The following ECE1 variants were observed in gnomAD, a reference collection of about 807,000 sequenced individuals.
ECE1 encodes the protein endothelin-converting enzyme 1.
A neutral mutation model predicts 98.6 loss-of-function variants in ECE1; 35 were observed. The ratio of observed to expected loss-of-function variants is 0.35; its 90% CI spans 0.27 to 0.47. ECE1 has a LOEUF of 0.47. Among genes scored for constraint, ECE1 ranks in the 20% least tolerant of loss-of-function variants. ECE1 has a pLI of 1.00. For synonymous variants in ECE1, 394 were observed against 407.1 expected, an observed-to-expected ratio of 0.97 and a Z score of 0.39; for missense variants, 814 against 1,025.3, an observed-to-expected ratio of 0.79 and a Z score of 2.81.
chr1:21,321,840 T>C (rs574330225), intron 1 of ECE1, among the ~76,000 whole-genome samples: 1 of 152,336 alleles, frequency 6.6e-6, no homozygotes, highest in Non-Finnish European at 1.5e-5. Flanking sequence ...GATCTCGAAC[T>C]CCTGACCTCA....
At chr1:21,298,479 T>C in intron 1 of ECE1, 1 of 317,408 alleles carries the variant, frequency 3.2e-6, no homozygotes, top group South Asian at 2.6e-5. Flanking sequence ...TCCACGGACG[T>C]GAATGGAGAT....
intron 3 of ECE1, among the ~76,000 whole-genome samples, chr1:21,273,904 C>T (rs1354456997): frequency 6.6e-6 from 1 of 152,238 alleles, no homozygotes; most frequent in African/African-American, 2.4e-5. Context: ...AGGTTGGCGG[C>T]TGAGCTCTCC....
chr1:21,343,238 A>T (rs940081490), intron 1 of ECE1, among the ~76,000 whole-genome samples: 1 of 152,238 alleles, frequency 6.6e-6, no homozygotes, highest in African/African-American at 2.4e-5. Context: ...AAGCTCCCAT[A>T]ACACTGTTTA....
intron 1 of ECE1, among the ~76,000 whole-genome samples, chr1:21,308,182 G>C (rs1638639296): frequency 6.6e-6 from 1 of 152,110 alleles, no homozygotes; most frequent in Non-Finnish European, 1.5e-5. Context: ...TCAGAAAATG[G>C]CCAACCTTTT....
At chr1:21,318,622 A>C (rs1298201456) in intron 1 of ECE1, among the ~76,000 whole-genome samples, 3 of 152,066 alleles carry the variant, frequency 2.0e-5, no homozygotes, top group East Asian at 3.9e-4. Context: ...ATTTAGAACC[A>C]GTGAGCCTTC....
At chr1:21,335,430 A>C (rs983917103) in intron 1 of ECE1, among the ~76,000 whole-genome samples, 1 of 152,066 alleles carries the variant, frequency 6.6e-6, no homozygotes, top group African/African-American at 2.4e-5. Context: ...TTCTGTCCCC[A>C]CAATGAGGCA....
intron 2 of ECE1, chr1:21,279,569 G>A: frequency 1.4e-6 from 2 of 1,442,246 alleles, no homozygotes; most frequent in Non-Finnish European, 1.8e-6. Flanking sequence ...GGCCCCGACA[G>A]GCTTGTTTTT....
In ECE1 at chr1:21,289,576, G is replaced by C. The variant is rs28367916; in HGVS notation, c.138+494C>G. On this transcript the variant is annotated intron_variant, in intron 2 of 18. Transcript: ENST00000374893. ...CCCCAGGAAACTCAGGTATTGGGAG[G>C]GCAAGAGGAAGAGGGTGGTACTGCC... 3.3e-5 allele frequency among the ~76,000 whole-genome samples: 5 copies of C among 152,256 alleles called. No individual in the cohort carries two copies. The East Asian group carries it at 9.7e-4, about 29-fold the overall frequency.
Position 21,238,119 on chromosome 1 carries a change from G to C in ECE1, c.1389+15C>G, listed in dbSNP as rs532070889. 4 of 1,610,978 alleles carry C rather than the reference G, an allele frequency of 2.5e-6. No homozygotes were observed. The highest frequency in any genetic ancestry group is 3.4e-6 in the Non-Finnish European group (4 of 1,177,290). On this transcript the variant is annotated intron_variant, in intron 11 of 18. Transcript: ENST00000374893. ...GTGTGACCTCACAGCCTGTGTCCAC[G>C]GGGAAGGCACTTACTATGCTCTTGC... is the stretch of plus-strand genomic sequence containing the variant.
chr1:21,345,286 A>C lies in ECE1; in HGVS notation c.3+90T>G, dbSNP rs988060460. On this transcript the variant is annotated intron_variant, in intron 1 of 18. Coordinates refer to the ECE1 transcript ENST00000415912. The surrounding 1 kb of genome is among the most constrained non-coding windows in gnomAD (Gnocchi z 5.1). ...GCCGGCGCCCAGCCCCCCGCGAGCC[A>C]GGGCGGCCCCGGGTGCCACCCGCGG... 6 of 1,265,538 alleles carry C rather than the reference A, an allele frequency of 4.7e-6. No individual in the cohort carries two copies. Among genetic ancestry groups the C allele is most frequent in the Non-Finnish European group, 6.0e-6 (6 of 1,001,996 alleles). 78.4% of individuals were successfully genotyped at this position (1,265,538 alleles called of 1,614,324 possible).
intron 4 of ECE1, among the ~76,000 whole-genome samples, chr1:21,268,601 CA>C (rs1311545560): frequency 6.6e-6 from 1 of 152,238 alleles, no homozygotes; most frequent in Non-Finnish European, 1.5e-5. Flanking sequence ...TCGGCTGACA[CA>C]ATCCACACTG....
chr1:21,311,693 T>TGC (rs1638728220), intron 1 of ECE1, among the ~76,000 whole-genome samples: 2 of 151,754 alleles, frequency 1.3e-5, no homozygotes, highest in African/African-American at 4.8e-5. Context: ...TGCACATCTG[T>TGC]AGTCCCAGCT....
At chr1:21,282,406 G>A (rs905843819) in intron 2 of ECE1, among the ~76,000 whole-genome samples, 2 of 150,096 alleles carry the variant, frequency 1.3e-5, no homozygotes, top group Non-Finnish European at 3.0e-5. Context: ...TGGCCAACAT[G>A]GTGAAACCCT....
chr1:21,221,682 TG>T, intron 18 of ECE1, 64 bp downstream of exon 18: 1 of 1,554,682 alleles, frequency 6.4e-7, no homozygotes, highest in South Asian at 1.1e-5. Flanking sequence ...TTCGGCTCTC[TG>T]GGCTCTTGAA....
chr1:21,267,035 G>A (rs943304812), intron 4 of ECE1: 2 of 152,196 alleles, frequency 1.3e-5, no homozygotes, highest in African/African-American at 4.8e-5. Context: ...TAGGTCATGA[G>A]GGCTCTGCTC....
At chr1:21,296,309 G>C (rs1330426011) in intron 1 of ECE1, among the ~76,000 whole-genome samples, 1 of 151,890 alleles carries the variant, frequency 6.6e-6, no homozygotes, top group Non-Finnish European at 1.5e-5. Flanking sequence ...AGCAGTTTGC[G>C]ACCAACCTGG....
intron 1 of ECE1, among the ~76,000 whole-genome samples, chr1:21,337,204 C>A (rs868335133): frequency 3.9e-5 from 6 of 152,178 alleles, no homozygotes; most frequent in Non-Finnish European, 8.8e-5. Flanking sequence ...ATGTCAGCCA[C>A]GGACATTTAC....
chr1:21,290,050 A>G lies in ECE1; in HGVS notation c.138+20T>C, dbSNP rs1569672372. The G allele has an allele frequency of 7.7e-7, 1 of 1,304,764 alleles. No individual in the cohort carries two copies. The highest frequency in any genetic ancestry group is 2.3e-4 in the Middle Eastern group (1 of 4,330). The allele number at this position is 1,304,764 out of a possible 1,614,324, so 80.8% of individuals were successfully genotyped here. On this transcript the variant is annotated intron_variant, in intron 2 of 18. Transcript: ENST00000374893. This position sits in a 1 kb window ranked among gnomAD's most constrained non-coding sequence, Gnocchi z 7.3. ...GGGCCCGGGGCGCCTGGACCTCGGG[A>G]GGGAGCGGAGGGCGCCTACCTGCAG... is the stretch of plus-strand genomic sequence containing the variant.
chr1:21,258,615 AC>A lies in ECE1; in HGVS notation c.762+77del. The A allele has an allele frequency of 1.2e-6, 1 of 811,882 alleles. No individual in the cohort carries two copies. Among genetic ancestry groups the A allele is most frequent in the African/African-American group, 1.8e-5 (1 of 56,700 alleles). 50.3% of individuals were successfully genotyped at this position (811,882 alleles called of 1,614,324 possible). A position where few individuals can be genotyped will look rare whatever the true frequency, so the allele number is the denominator to read the frequency against. ...CCCACCCAGGGCAAGCCCCTCTCCC[AC>A]CCCAGGTCCTGCTAAACTCAAAACA... On this transcript the variant is annotated intron_variant, in intron 6 of 18. Coordinates refer to ENST00000374893, the MANE Select transcript of ECE1 (RefSeq NM_001397.3). This position sits in a 1 kb window ranked among gnomAD's most constrained non-coding sequence, Gnocchi z 4.2.
Sources: gnomAD v4.1 joint callset for allele counts (sites outside exome capture counted in the v4.1 genomes callset) on GRCh38, gnomAD v4.1.1 for gene constraint, Gnocchi (gnomAD v3.1) non-coding constraint, MANE v1.5 for transcripts, NCBI Gene and HGNC (gene_info 2026-07-23, HGNC 2026-07-21) for gene names.